Variants in PLXDC2 observed in about 807,000 individuals in gnomAD.
PLXDC2 encodes plexin domain-containing protein 2.
A neutral mutation model predicts 68.9 loss-of-function variants in PLXDC2; 40 were observed. That is an observed-to-expected ratio of 0.58 (90% CI 0.45 to 0.76). PLXDC2 has a LOEUF of 0.76. Among genes scored for constraint, PLXDC2 ranks in the 30% least tolerant of loss-of-function variants. The pLI, the probability that PLXDC2 is intolerant of heterozygous loss-of-function variation, is 0.00. For synonymous variants in PLXDC2, 243 were observed against 234.2 expected, an observed-to-expected ratio of 1.04 and a Z score of -0.34; for missense variants, 644 against 661.9, an observed-to-expected ratio of 0.97 and a Z score of 0.30.
chr10:20,091,413 A>G (rs778978546), intron 4 of PLXDC2, among the ~76,000 whole-genome samples: 1 of 152,190 alleles, frequency 6.6e-6, no homozygotes, highest in African/African-American at 2.4e-5. Context: ...AATGTTTTCT[A>G]CATACTTTCG....
intron 1 of PLXDC2, among the ~76,000 whole-genome samples, chr10:19,924,044 A>G (rs1298528692): frequency 1.3e-5 from 2 of 152,156 alleles, no homozygotes; most frequent in Non-Finnish European, 2.9e-5. Flanking sequence ...CAGCAGAATG[A>G]GACTCTGTGT....
At chr10:19,830,740 G>GTTTT (rs11408354) in intron 1 of PLXDC2, among the ~76,000 whole-genome samples, 6 of 149,050 alleles carry the variant, frequency 4.0e-5, no homozygotes, top group African/African-American at 1.5e-4. Context: ...AAAAGAGAAG[G>GTTTT]TTTTTTTTTT....
At chr10:19,978,289 C>T (rs1834492591) in intron 1 of PLXDC2, among the ~76,000 whole-genome samples, 1 of 152,144 alleles carries the variant, frequency 6.6e-6, no homozygotes, top group Non-Finnish European at 1.5e-5. Context: ...TCTTCTGACT[C>T]TCAAATTGTA....
In PLXDC2 at chr10:19,817,119, G is replaced by A. The variant is rs981787801; in HGVS notation, c.40G>A (p.Val14Ile). ...FPKADLAAAG[V>I]MLLCHFFTDQ... is the part of the protein sequence containing the mutation. ...GAAGGCCGACCTGGCCGCTGCAGGA[G>A]TTATGTTACTTTGCCACTTCTTCAC... The change falls in exon 1 of 14, where the codon GTT becomes ATT. Residue 14 changes from valine (V) to isoleucine (I), a missense_variant. By Grantham distance (29) the Val-to-Ile change is conservative. This residue lies in a region of PLXDC2 where 201 missense variants were observed against 166.9 expected (regional missense o/e 1.20). Coordinates refer to ENST00000377252, the MANE Select transcript of PLXDC2 (RefSeq NM_032812.9). The A allele has an allele frequency of 2.5e-6, 4 of 1,571,412 alleles. No homozygotes were observed. The highest frequency in any genetic ancestry group is 2.6e-6 in the Non-Finnish European group (3 of 1,155,568).
chr10:19,994,683 C>T (rs145735927), intron 1 of PLXDC2, among the ~76,000 whole-genome samples: 1 of 151,722 alleles, frequency 6.6e-6, no homozygotes, highest in Non-Finnish European at 1.5e-5. Context: ...AGGTTTCATA[C>T]ATAAACTTTT....
At chr10:19,827,537 C>A (rs2131306324) in intron 1 of PLXDC2, among the ~76,000 whole-genome samples, 1 of 150,146 alleles carries the variant, frequency 6.7e-6, no homozygotes, top group Non-Finnish European at 1.5e-5. Flanking sequence ...TACCACAGGG[C>A]TTCATAACAA....
At chr10:20,044,211 G>GTCTTTCTTTCTTTCTTTCTTTCTTTCTT (rs1226746835) in intron 2 of PLXDC2, among the ~76,000 whole-genome samples, 2 of 68,594 alleles carry the variant, frequency 2.9e-5, no homozygotes, top group Admixed American at 1.7e-4. Context: ...CTCTCTCTCT[G>GTCTTTCTTTCTTTCTTTCTTTCTTTCTT]TCTTTCTTTC....
At chr10:20,077,774 A>C (rs1419453313) in intron 4 of PLXDC2, among the ~76,000 whole-genome samples, 1 of 152,224 alleles carries the variant, frequency 6.6e-6, no homozygotes, top group African/African-American at 2.4e-5. Context: ...TTTGTAAACA[A>C]AAGTGTAAAT....
chr10:19,932,325 A>T (rs1282680305), intron 1 of PLXDC2, among the ~76,000 whole-genome samples: 1 of 151,936 alleles, frequency 6.6e-6, no homozygotes, highest in African/African-American at 2.4e-5. Context: ...CTCTTGGCAC[A>T]CATGTGGCTT....
chr10:20,012,548 A>T (rs1404434638), intron 2 of PLXDC2, among the ~76,000 whole-genome samples: 1 of 149,620 alleles, frequency 6.7e-6, no homozygotes. Context: ...CTGGTCTCAC[A>T]CTCCTGACCT....
At chr10:19,927,205 T>A (rs1833550298) in intron 1 of PLXDC2, among the ~76,000 whole-genome samples, 1 of 152,122 alleles carries the variant, frequency 6.6e-6, no homozygotes, top group Non-Finnish European at 1.5e-5. Flanking sequence ...AACCCCACCT[T>A]GTGAAAGTAA....
At chr10:20,153,349 C>G (rs1050645434) in intron 6 of PLXDC2, among the ~76,000 whole-genome samples, 1 of 152,182 alleles carries the variant, frequency 6.6e-6, no homozygotes, top group Non-Finnish European at 1.5e-5. Context: ...TTCTCACTCT[C>G]TAACACTTGC....
chr10:19,832,057 G>A (rs1312364285), intron 1 of PLXDC2, among the ~76,000 whole-genome samples: 2 of 152,116 alleles, frequency 1.3e-5, no homozygotes, highest in South Asian at 4.1e-4. Flanking sequence ...AAACAAATGG[G>A]TTTTTCGTTT....
intron 13 of PLXDC2, among the ~76,000 whole-genome samples, chr10:20,245,907 G>C (rs1445411199): frequency 6.6e-6 from 1 of 152,118 alleles, no homozygotes; most frequent in Non-Finnish European, 1.5e-5. Context: ...AGTATTGGCT[G>C]TATGCATGAT....
chr10:20,209,333 C>T (rs906398336), intron 9 of PLXDC2, among the ~76,000 whole-genome samples: 1 of 143,234 alleles, frequency 7.0e-6, no homozygotes, highest in African/African-American at 2.5e-5. Flanking sequence ...CTGAGGAAAA[C>T]AATGAGAACC....
chr10:19,848,375 CTGCAGA>C (rs1327938406), intron 1 of PLXDC2, among the ~76,000 whole-genome samples: 3 of 152,144 alleles, frequency 2.0e-5, no homozygotes, highest in Non-Finnish European at 4.4e-5. Context: ...CCTCTACTCC[CTGCAGA>C]TGCATTGCAA....
intron 1 of PLXDC2, among the ~76,000 whole-genome samples, chr10:19,946,209 C>G (rs1459481801): frequency 6.6e-6 from 1 of 152,176 alleles, no homozygotes; most frequent in Non-Finnish European, 1.5e-5. Flanking sequence ...CTAGATGTCA[C>G]TGCCTGAGTG....
At chr10:20,194,462 G>A (rs1331120470) in intron 9 of PLXDC2, among the ~76,000 whole-genome samples, 2 of 151,784 alleles carry the variant, frequency 1.3e-5, no homozygotes, top group Non-Finnish European at 2.9e-5. Flanking sequence ...ATTGAACAAT[G>A]GCTATTTTCA....
At chr10:20,165,025 G>C (rs563855195) in intron 7 of PLXDC2, among the ~76,000 whole-genome samples, 1 of 152,054 alleles carries the variant, frequency 6.6e-6, no homozygotes, top group Non-Finnish European at 1.5e-5. Flanking sequence ...GTCTTGCTGT[G>C]TTGCCCAGGC....
Sources: allele counts gnomAD v4.1 joint callset (sites outside exome capture counted in the v4.1 genomes callset), GRCh38; gene constraint gnomAD v4.1.1; regional missense constraint gnomAD v4.1.1; transcripts MANE v1.5; gene names NCBI Gene and HGNC (gene_info 2026-07-23, HGNC 2026-07-21).